GPC5: variants seen among roughly 807,000 people sequenced by gnomAD.
GPC5 encodes the protein glypican-5.
A neutral mutation model predicts 53.9 loss-of-function variants in GPC5; 47 were observed. The ratio of observed to expected loss-of-function variants is 0.87; its 90% CI spans 0.69 to 1.11. The LOEUF is 1.11. Ranked by LOEUF, GPC5 falls within the 50% of genes most tolerant of loss-of-function variation. The pLI is 0.00. For missense variants in GPC5, 748 were observed against 713.1 expected (o/e 1.05, Z -0.56); for synonymous variants, 286 against 263.3 (o/e 1.09, Z -0.84).
At chr13:92,779,584 T>G (rs1012706479) in intron 7 of GPC5, among the ~76,000 whole-genome samples, 4 of 152,178 alleles carry the variant, frequency 2.6e-5, no homozygotes, top group African/African-American at 9.6e-5. Context: ...CTTGAACTCC[T>G]AGTCTCAAAG....
intron 6 of GPC5, among the ~76,000 whole-genome samples, chr13:92,134,665 G>C (rs1420037640): frequency 6.6e-6 from 1 of 152,032 alleles, no homozygotes; most frequent in Non-Finnish European, 1.5e-5. Flanking sequence ...TTGTACCTGG[G>C]TCAGTTACAA....
intron 2 of GPC5, among the ~76,000 whole-genome samples, chr13:91,530,625 A>G (rs2138659590): frequency 6.6e-6 from 1 of 152,272 alleles, no homozygotes; most frequent in Middle Eastern, 3.4e-3. Flanking sequence ...ATATCTTTTC[A>G]ACCTATTTAA....
At chr13:92,117,922 G>A (rs76224646) in intron 6 of GPC5, among the ~76,000 whole-genome samples, 3,035 of 152,240 alleles carry the variant, frequency 0.02, 109 homozygotes, top group African/African-American at 0.068. Flanking sequence ...TTTCTGATGT[G>A]GATGTTGCTG....
At chr13:92,838,568 C>G (rs759372168) in intron 7 of GPC5, among the ~76,000 whole-genome samples, 1 of 151,000 alleles carries the variant, frequency 6.6e-6, no homozygotes, top group Admixed American at 6.6e-5. Flanking sequence ...TTGTTATACA[C>G]AATTCAAGCA....
Position 92,169,507 on chromosome 13 carries a change from TATGAC to T in GPC5, c.1561+24520_1561+24524del, listed in dbSNP as rs761144465. 4.6e-5 allele frequency among the ~76,000 whole-genome samples: 7 copies of T among 152,328 alleles called. No homozygotes were observed. The South Asian group carries it at 6.2e-4, about 14-fold the overall frequency. ...AAAGACAGTGTTATAATTACTAAAA[TATGAC>T]AAGACAAATCATTGAAATAGAATAC... is the stretch of plus-strand genomic sequence containing the variant. On this transcript the variant is annotated intron_variant, in intron 7 of 7. Coordinates refer to ENST00000377067, the MANE Select transcript of GPC5 (RefSeq NM_004466.6).
intron 2 of GPC5, among the ~76,000 whole-genome samples, chr13:91,520,757 G>T (rs1359562851): frequency 6.6e-6 from 1 of 150,644 alleles, no homozygotes; most frequent in Non-Finnish European, 1.5e-5. Flanking sequence ...TATATGTTTT[G>T]TTTCTCTGGA....
At chr13:92,580,224 C>A (rs1883328160) in intron 7 of GPC5, among the ~76,000 whole-genome samples, 1 of 152,080 alleles carries the variant, frequency 6.6e-6, no homozygotes, top group South Asian at 2.1e-4. Flanking sequence ...TCGAATGACC[C>A]ATGTTGAGCA....
At chr13:92,183,072 G>A (rs1316896709) in intron 7 of GPC5, among the ~76,000 whole-genome samples, 1 of 152,048 alleles carries the variant, frequency 6.6e-6, no homozygotes, top group Non-Finnish European at 1.5e-5. Context: ...TTTTAATAGA[G>A]GTAAAGTTGG....
At chr13:91,995,951 A>G (rs2040499803) in intron 6 of GPC5, 1 of 152,180 alleles carries the variant, frequency 6.6e-6, no homozygotes, top group African/African-American at 2.4e-5. Context: ...ACCACCTGCT[A>G]GAGGCTTGCT....
chr13:91,703,719 T>A (rs1360311366), intron 3 of GPC5, among the ~76,000 whole-genome samples: 1 of 152,194 alleles, frequency 6.6e-6, no homozygotes, highest in Non-Finnish European at 1.5e-5. Flanking sequence ...TGAGAAGGAT[T>A]GGTGCTAGTT....
At chr13:91,782,278 ACGGT>A in intron 5 of GPC5, among the ~76,000 whole-genome samples, 1 of 152,258 alleles carries the variant, frequency 6.6e-6, no homozygotes, top group East Asian at 1.9e-4. Flanking sequence ...TCAAAAGTGA[ACGGT>A]AGGTGGATTA....
intron 6 of GPC5, among the ~76,000 whole-genome samples, chr13:92,088,854 G>C (rs560709910): frequency 6.6e-6 from 1 of 152,258 alleles, no homozygotes; most frequent in South Asian, 2.1e-4. Flanking sequence ...AGAATATACA[G>C]CTTTTTAAAC....
At chr13:92,480,071 GAGGCC>G (rs1307635899) in intron 7 of GPC5, among the ~76,000 whole-genome samples, 1 of 152,138 alleles carries the variant, frequency 6.6e-6, no homozygotes, top group East Asian at 1.9e-4. Flanking sequence ...AGGATCACTT[GAGGCC>G]AGGAGTTTGA....
chr13:92,281,341 A>G (rs1473488837), intron 7 of GPC5, among the ~76,000 whole-genome samples: 3 of 152,180 alleles, frequency 2.0e-5, no homozygotes, highest in African/African-American at 4.8e-5. Flanking sequence ...GCAGAACAAA[A>G]GGCAACAGAA....
chr13:91,897,543 C>T (rs1482531184), intron 5 of GPC5, among the ~76,000 whole-genome samples: 6 of 152,108 alleles, frequency 3.9e-5, no homozygotes, highest in Admixed American at 1.3e-4. Flanking sequence ...GTTGGATAGG[C>T]TCCCATCCCT....
At chr13:92,267,482 T>C (rs1174712575) in intron 7 of GPC5, among the ~76,000 whole-genome samples, 1 of 152,134 alleles carries the variant, frequency 6.6e-6, no homozygotes, top group East Asian at 1.9e-4. Context: ...CTGTCCGGGT[T>C]TTTCATTCTG....
At position 91,728,623 on chromosome 13, in the gene GPC5, C is replaced by G; in HGVS notation, c.1112C>G (p.Thr371Ser). ...AGCAAAGAGAAGCATGGAATGAAGA[C>G]CACCACAAGGAACAGTGAAGAGACG... ...DQSKEKHGMK[T>S]TTRNSEETLA... Residue 371 changes from threonine (T) to serine (S), a missense_variant, in exon 4 of 8, where the codon ACC (threonine) becomes AGC (serine). Transcript: ENST00000377067. 6.2e-7 allele frequency: 1 copy of G among 1,613,160 alleles called. No individual in the cohort carries two copies.
chr13:92,422,160 A>T (rs1248946909), intron 7 of GPC5, among the ~76,000 whole-genome samples: 1 of 151,964 alleles, frequency 6.6e-6, no homozygotes, highest in Non-Finnish European at 1.5e-5. Context: ...CTTCCATTCC[A>T]AATACACCAT....
intron 4 of GPC5, among the ~76,000 whole-genome samples, chr13:91,729,087 T>C (rs781378475): frequency 2.6e-5 from 4 of 152,206 alleles, no homozygotes; most frequent in African/African-American, 4.8e-5. Context: ...AGAAAGATAA[T>C]ACATTTACAT....
Sources: gnomAD v4.1 joint callset for allele counts (sites outside exome capture counted in the v4.1 genomes callset) on GRCh38, gnomAD v4.1.1 for gene constraint, MANE v1.5 for transcripts, NCBI Gene and HGNC (gene_info 2026-07-23, HGNC 2026-07-21) for gene names.